Variants in AP5Z1 observed in about 807,000 individuals in gnomAD.
AP5Z1 encodes the protein AP-5 complex subunit zeta-1.
Under a neutral mutation model 83.0 loss-of-function variants are expected in AP5Z1, and 106 were observed. That is an observed-to-expected ratio of 1.28 (90% CI 1.09 to 1.50). The LOEUF (loss-of-function observed/expected upper bound fraction) is 1.50, where lower values mean the gene tolerates loss of function less well. AP5Z1 is among the 40% of genes most tolerant of loss of function. The probability of loss-of-function intolerance (pLI) is 0.00; values close to 1 mark genes in which losing one functional copy is unlikely to be tolerated. For missense variants in AP5Z1, 1,565 were observed against 1,094.2 expected (o/e 1.43, Z -6.07); for synonymous variants, 751 against 514.1 (o/e 1.46, Z -6.23).
intron 1 of AP5Z1, among the ~76,000 whole-genome samples, chr7:4,779,107 A>G (rs1039092126): frequency 1.7e-4 from 25 of 144,358 alleles, no homozygotes. Flanking sequence ...TATATATTAT[A>G]TACATTTTTG....
At chr7:4,788,324 A>G (rs1421035455) in intron 12 of AP5Z1, 30 bp downstream of exon 12, 2 of 1,542,870 alleles carry the variant, frequency 1.3e-6, no homozygotes, top group African/African-American at 2.8e-5. Context: ...GGGGGCCACC[A>G]GTGGCTCAGA....
chr7:4,781,309 G>A lies in AP5Z1; in HGVS notation c.176G>A (p.Arg59Gln), dbSNP rs200423282. Residue 59 changes from arginine to glutamine, a missense_variant, in exon 2 of 17, where the codon CGG (arginine) becomes CAG (glutamine). Transcript: ENST00000649063. ...FLIISATKYS[R>Q]RLEKTCVDLL... The stretch of plus-strand genomic sequence containing the variant: ...ATCATCTCAGCCACGAAGTACAGCC[G>A]GAGGTGAGTGTGGCGACGGCTCAGG... 121 of 1,613,272 alleles carry A rather than the reference G, an allele frequency of 7.5e-5. 1 individual carries two copies. The highest frequency in any genetic ancestry group is 6.6e-4 in the South Asian group (60 of 91,066).
At position 4,783,444 on chromosome 7, in the gene AP5Z1, GGGC is replaced by G; in HGVS notation, c.496_498del (p.Gly166del). The G allele has an allele frequency of 6.2e-7, 1 of 1,612,646 alleles. No homozygotes were observed. Among genetic ancestry groups the G allele is most frequent in the African/African-American group, 1.3e-5 (1 of 75,010 alleles). On this transcript the variant is annotated inframe_deletion, in exon 4 of 17. Transcript: ENST00000649063. ...TGGCCAAGGTCGTGGTCCTCAGCCC[GGGC>G]ACCCTCCAGGAGGGTACGCGGGGCC...
chr7:4,785,083 G>A, intron 7 of AP5Z1, 35 bp downstream of exon 7: 2 of 1,560,730 alleles, frequency 1.3e-6, no homozygotes, highest in Non-Finnish European at 1.7e-6. Context: ...GCCTCCCCAG[G>A]GCTCGACGCA....
rs1454206621 is a variant in AP5Z1, at chr7:4,790,731, A to G, written c.1997A>G (p.Gln666Arg). ...VTYDRRCTVE[Q>R]INKFFEALEA... Reference sequence around the variant, plus strand: ...TACGATCGGAGGTGCACCGTGGAGCAGATCAACAAGTTCTTCGAAGCCCTG... The same window carrying G: ...TACGATCGGAGGTGCACCGTGGAGCGGATCAACAAGTTCTTCGAAGCCCTG... Residue 666 changes from glutamine (Q) to arginine (R), a missense_variant, in exon 16 of 17, where the codon CAG becomes CGG. Coordinates refer to ENST00000649063, the MANE Select transcript of AP5Z1 (RefSeq NM_014855.3). 6.2e-7 allele frequency: 1 copy of G among 1,610,980 alleles called. No homozygotes were observed. The highest frequency in any genetic ancestry group is 8.5e-7 in the Non-Finnish European group (1 of 1,179,342).
At chr7:4,785,882 C>T (rs904541616) in intron 9 of AP5Z1, among the ~76,000 whole-genome samples, 198 bp downstream of exon 9, 12 of 151,410 alleles carry the variant, frequency 7.9e-5, no homozygotes, top group African/African-American at 1.9e-4. Context: ...GCTGGGATTA[C>T]GGGCATGAGC....
chr7:4,785,503 TGTG>T lies in AP5Z1; in HGVS notation c.970-16_970-14del. The T allele has an allele frequency of 6.2e-7, 1 of 1,613,388 alleles. No homozygotes were observed. The highest frequency in any genetic ancestry group is 8.5e-7 in the Non-Finnish European group (1 of 1,179,690). On this transcript the variant is annotated splice_polypyrimidine_tract_variant and intron_variant, in intron 8 of 16. Coordinates refer to ENST00000649063, the MANE Select transcript of AP5Z1 (RefSeq NM_014855.3). ...GGAGGCAGCGACTCGGCCCATTTGA[TGTG>T]GTCCATGTCCCGCAGTGCCTGGTGG...
intron 14 of AP5Z1, 91 bp from the exon 15 acceptor site, chr7:4,790,368 A>T: frequency 1.3e-6 from 2 of 1,589,494 alleles, no homozygotes; most frequent in Non-Finnish European, 1.7e-6. Flanking sequence ...TACCACTCAG[A>T]CGCTTCCCGG....
Position 4,785,620 on chromosome 7 carries a change from G to T in AP5Z1, c.1068G>T (p.Arg356=). ...SLSCLKALHG[R]VRGDPASVRV... ...CCTGCCTGAAGGCCCTGCACGGGCGGGTGCGCGGGGACCCGGCCTCTGTGC... is the reference window on the plus strand; with the variant it reads ...CCTGCCTGAAGGCCCTGCACGGGCGTGTGCGCGGGGACCCGGCCTCTGTGC... Residue 356 remains arginine (R), a synonymous_variant, in exon 9 of 17, where the codon CGG becomes CGT. Transcript: ENST00000649063. 6.3e-7 allele frequency: 1 copy of T among 1,579,108 alleles called. No homozygotes were observed. Among genetic ancestry groups the T allele is most frequent in the Non-Finnish European group, 8.6e-7 (1 of 1,165,722 alleles).
intron 12 of AP5Z1, 131 bp downstream of exon 12, chr7:4,788,425 G>A (rs904373872): frequency 3.4e-5 from 41 of 1,188,916 alleles, no homozygotes; most frequent in Middle Eastern, 2.6e-4. Flanking sequence ...CTGCGTCCCC[G>A]TCATCACCAT....
In AP5Z1 at chr7:4,790,434, G is replaced by A. The variant is rs1337451548; in HGVS notation, c.1806-25G>A. ...TGGGGTCATAGGTCTGCACAGAGCA[G>A]GCGTAGACCCGGCTTTCTGGGCAGT... On this transcript the variant is annotated intron_variant, in intron 14 of 16. Coordinates refer to ENST00000649063, the MANE Select transcript of AP5Z1 (RefSeq NM_014855.3). The A allele has an allele frequency of 3.1e-6, 5 of 1,612,850 alleles. No homozygotes were observed. The South Asian group carries it at 5.5e-5, about 18-fold the overall frequency.
chr7:4,784,204 CG>C lies in AP5Z1; in HGVS notation c.626del (p.Gly209AlafsTer10). Reference protein sequence around the residue: ...GFFSTPRARQPGPVTEVDGAV... With the variant: ...GFFSTPRARQXGPVTEVDGAV... ...CACTCCTGCCTGTCCTTCCCACAGC[CG>C]GGCCCCGTCACCGAGGTGGACGGGG... On this transcript the variant is annotated frameshift_variant and splice_region_variant, in exon 6 of 17. Coordinates refer to ENST00000649063, the MANE Select transcript of AP5Z1 (RefSeq NM_014855.3). LOFTEE classifies it high-confidence loss of function. 1 of 1,579,664 alleles carries C rather than the reference CG, an allele frequency of 6.3e-7. No homozygotes were observed. Among genetic ancestry groups the C allele is most frequent in the Non-Finnish European group, 8.6e-7 (1 of 1,165,448 alleles).
At chr7:4,778,672 G>A (rs1020207774) in intron 1 of AP5Z1, among the ~76,000 whole-genome samples, 2 of 151,014 alleles carry the variant, frequency 1.3e-5, no homozygotes, top group African/African-American at 2.4e-5. Flanking sequence ...ATCGGGATGA[G>A]GGGTTCCACC....
In AP5Z1 at chr7:4,781,533, G is replaced by A. The variant is rs369901436; in HGVS notation, c.180-35G>A. ...CGGGTGCTCCTGCCACGGTCGTGAC[G>A]TGTTACCGCCCACCACGGGCATCTC... On this transcript the variant is annotated intron_variant, in intron 2 of 16. Coordinates refer to ENST00000649063, the MANE Select transcript of AP5Z1 (RefSeq NM_014855.3). 88 of 1,594,786 alleles carry A rather than the reference G, an allele frequency of 5.5e-5. No individual in the cohort carries two copies. The African/African-American group carries it at 6.6e-4, about 12-fold the overall frequency.
chr7:4,785,618 C>T lies in AP5Z1; in HGVS notation c.1066C>T (p.Arg356Trp), dbSNP rs746747942. The change falls in exon 9 of 17, where the codon CGG (arginine) becomes TGG (tryptophan). Residue 356 changes from arginine to tryptophan, a missense_variant. Arg to Trp is a moderately radical substitution (Grantham distance 101). Coordinates refer to ENST00000649063, the MANE Select transcript of AP5Z1 (RefSeq NM_014855.3). ...CTCCTGCCTGAAGGCCCTGCACGGGCGGGTGCGCGGGGACCCGGCCTCTGT... is the reference window on the plus strand; with the variant it reads ...CTCCTGCCTGAAGGCCCTGCACGGGTGGGTGCGCGGGGACCCGGCCTCTGT... ...SLSCLKALHG[R>W]VRGDPASVRV... 20 of 1,579,410 alleles carry T rather than the reference C, an allele frequency of 1.3e-5. No homozygotes were observed. Among genetic ancestry groups the T allele is most frequent in the South Asian group, 4.6e-5 (4 of 87,344 alleles).
rs536255167 is a variant in AP5Z1, at chr7:4,789,614, G to A, written c.1708-218G>A. Among the ~76,000 whole-genome samples the A allele has an allele frequency of 4.9e-4, 75 of 152,340 alleles. 1 individual carries two copies. Among genetic ancestry groups the A allele is most frequent in the African/African-American group, 1.4e-3 (58 of 41,582 alleles). On this transcript the variant is annotated intron_variant, in intron 13 of 16. Coordinates refer to ENST00000649063, the MANE Select transcript of AP5Z1 (RefSeq NM_014855.3). ...GGCAGAGGAGCCGTGGAACAGAAGC[G>A]ACACCTCTGCCGGGGGCACTTGGGC...
intron 10 of AP5Z1, 54 bp downstream of exon 10, chr7:4,786,482 C>T (rs1781549005): frequency 1.3e-6 from 2 of 1,589,094 alleles, no homozygotes; most frequent in Non-Finnish European, 1.7e-6. Context: ...GTCCCTGGGG[C>T]TCCTCCCCTC....
Position 4,788,261 on chromosome 7 carries a change from T to C in AP5Z1, c.1562T>C (p.Leu521Pro). Residue 521 changes from leucine (L) to proline (P), a missense_variant, in exon 12 of 17, where the codon CTG (leucine) becomes CCG (proline). Coordinates refer to ENST00000649063, the MANE Select transcript of AP5Z1 (RefSeq NM_014855.3). ...DPQFQGLFQY[L>P]LRPKASGATE... ...CAGTTCCAGGGTCTTTTCCAATACC[T>C]GCTGCGCCCCAAGGCCAGTGGCGCC... 6.3e-7 allele frequency: 1 copy of C among 1,590,214 alleles called. No individual in the cohort carries two copies. The highest frequency in any genetic ancestry group is 1.1e-5 in the South Asian group (1 of 87,460).
rs750850551 is a variant in AP5Z1 at position 4,791,352 on chromosome 7, G to T, written c.2391G>T (p.Leu797=). Residue 797 remains leucine, a synonymous_variant, in exon 17 of 17, where the codon CTG becomes CTT. Transcript: ENST00000649063. ...TGGCCCTGCGCACGGTCAGCCGGCT[G>T]GTGGAGAGGGAGGCCGGCCTCATGC... ...LPLALRTVSR[L]VEREAGLMPG is the part of the protein sequence containing the mutation. The T allele has an allele frequency of 2.5e-6, 4 of 1,608,542 alleles. No individual in the cohort carries two copies. Among genetic ancestry groups the T allele is most frequent in the Non-Finnish European group, 3.4e-6 (4 of 1,178,086 alleles).
Sources: gnomAD v4.1 joint callset for allele counts (sites outside exome capture counted in the v4.1 genomes callset) on GRCh38, gnomAD v4.1.1 for gene constraint, MANE v1.5 for transcripts, NCBI Gene and HGNC (gene_info 2026-07-23, HGNC 2026-07-21) for gene names.